Variants in CORO2B observed in about 807,000 individuals in gnomAD.
CORO2B encodes the protein coronin-2B.
Under a neutral mutation model 58.8 loss-of-function variants are expected in CORO2B, and 26 were observed. That is an observed-to-expected ratio of 0.44 (90% CI 0.32 to 0.61). CORO2B has a LOEUF of 0.61. CORO2B is among the 20% of genes least tolerant of loss of function. The pLI is 0.04. For missense variants in CORO2B, 460 were observed against 645.1 expected, an observed-to-expected ratio of 0.71 and a Z score of 3.11; for synonymous variants, 242 against 253.8, an observed-to-expected ratio of 0.95 and a Z score of 0.44.
At chr15:68,533,148 A>C in the CORO2B span, among the ~76,000 whole-genome samples, 1 of 152,220 alleles carries the variant, frequency 6.6e-6, no homozygotes, top group Non-Finnish European at 1.5e-5. Flanking sequence ...ATGTGCCTCT[A>C]GACACAAATC....
In CORO2B at chr15:68,725,985, G is replaced by T; in HGVS notation, c.*11G>T. On this transcript the variant is annotated 3_prime_UTR_variant, in exon 12 of 12. Transcript: ENST00000261861. ...CCCAAGAACTGTTAGCTCCCCAGCT[G>T]GGCTGTTTTCTAAGCCGATCTCTCC... 1 of 1,612,588 alleles carries T rather than the reference G, an allele frequency of 6.2e-7. No homozygotes were observed.
chr15:68,686,708 G>A (rs560125905), intron 2 of CORO2B, among the ~76,000 whole-genome samples: 2 of 152,064 alleles, frequency 1.3e-5, no homozygotes, highest in South Asian at 2.1e-4. Flanking sequence ...AGACCAGCCT[G>A]ATCGACATGG....
At chr15:68,722,486 C>A (rs551677019) in intron 11 of CORO2B, among the ~76,000 whole-genome samples, 2 of 152,184 alleles carry the variant, frequency 1.3e-5, no homozygotes, top group African/African-American at 4.8e-5. Context: ...AAAAGTCCTA[C>A]GATTGTACAA....
intron 11 of CORO2B, among the ~76,000 whole-genome samples, chr15:68,722,320 G>A (rs1406538682): frequency 2.0e-5 from 3 of 152,186 alleles, no homozygotes; most frequent in Admixed American, 1.3e-4. Context: ...CATCTTCCTC[G>A]CTGGGAAGAA....
chr15:68,659,070 T>C (rs1239729477), intron 2 of CORO2B, among the ~76,000 whole-genome samples: 2 of 152,236 alleles, frequency 1.3e-5, no homozygotes, highest in Non-Finnish European at 2.9e-5. Context: ...CTTCATGCAG[T>C]TGGACAGTTT....
intron 3 of CORO2B, among the ~76,000 whole-genome samples, chr15:68,700,087 G>A (rs1332523708): frequency 5.9e-5 from 9 of 152,084 alleles, no homozygotes; most frequent in African/African-American, 2.2e-4. Flanking sequence ...CCCTTCCCAC[G>A]GCCTCCCTGC....
the CORO2B span, among the ~76,000 whole-genome samples, chr15:68,561,073 C>T: frequency 6.6e-6 from 1 of 152,142 alleles, no homozygotes; most frequent in South Asian, 2.1e-4. Context: ...GATTTATGTT[C>T]CCTCCACCCC....
intron 3 of CORO2B, among the ~76,000 whole-genome samples, chr15:68,707,921 A>G (rs901643856): frequency 3.3e-5 from 5 of 151,806 alleles, no homozygotes; most frequent in African/African-American, 9.7e-5. Flanking sequence ...TGGGCCCCCT[A>G]TACATCACTC....
intron 1 of CORO2B, among the ~76,000 whole-genome samples, chr15:68,628,242 C>A (rs1900734586): frequency 6.6e-6 from 1 of 152,212 alleles, no homozygotes; most frequent in African/African-American, 2.4e-5. Context: ...CACAGAGAAA[C>A]CCCATAGCCC....
At chr15:68,659,319 A>G (rs1304625372) in intron 2 of CORO2B, among the ~76,000 whole-genome samples, 1 of 152,268 alleles carries the variant, frequency 6.6e-6, no homozygotes, top group African/African-American at 2.4e-5. Flanking sequence ...TCTGCTGACC[A>G]GAAGCCTTAC....
At chr15:68,646,414 T>C (rs902883044) in intron 2 of CORO2B, among the ~76,000 whole-genome samples, 1 of 152,154 alleles carries the variant, frequency 6.6e-6, no homozygotes, top group Admixed American at 6.5e-5. Context: ...AAGGAAGCCT[T>C]GGTTCTCAAA....
intron 3 of CORO2B, among the ~76,000 whole-genome samples, chr15:68,704,903 G>A (rs1204599486): frequency 6.6e-6 from 1 of 152,110 alleles, no homozygotes; most frequent in Non-Finnish European, 1.5e-5. Flanking sequence ...GTTTCCTGTT[G>A]AATTGAAGTA....
At chr15:68,525,310 G>A in the CORO2B span, among the ~76,000 whole-genome samples, 14 of 152,334 alleles carry the variant, frequency 9.2e-5, no homozygotes, top group African/African-American at 2.9e-4. Context: ...AAATTCTGAA[G>A]CATTTTGAAA....
At chr15:68,693,489 C>A (rs1037909787) in intron 2 of CORO2B, among the ~76,000 whole-genome samples, 1 of 152,180 alleles carries the variant, frequency 6.6e-6, no homozygotes, top group Non-Finnish European at 1.5e-5. Context: ...GCAGATGGGC[C>A]GTAACTGGAG....
Position 68,678,402 on chromosome 15 carries a change from G to A in CORO2B, c.217-16738G>A, listed in dbSNP as rs182824127. ...CAATAACAGAGAAAAGACAGCAGGC[G>A]GTGGTTCACACCTGTAATCCCAACA... On this transcript the variant is annotated intron_variant, in intron 2 of 11. Transcript: ENST00000261861. 4.0e-3 allele frequency among the ~76,000 whole-genome samples: 611 copies of A among 152,240 alleles called. 3 individuals carry two copies. The highest frequency in any genetic ancestry group is 0.013 in the Admixed American group (203 of 15,302).
chr15:68,638,863 G>C (rs935989381), intron 1 of CORO2B, among the ~76,000 whole-genome samples: 1 of 152,226 alleles, frequency 6.6e-6, no homozygotes, highest in East Asian at 1.9e-4. Flanking sequence ...TCATGACTGC[G>C]GGTGGGCTTT....
chr15:68,715,170 C>A, intron 7 of CORO2B, 45 bp from the exon 8 acceptor site: 2 of 1,559,008 alleles, frequency 1.3e-6, no homozygotes, highest in South Asian at 1.1e-5. Flanking sequence ...CTGCTCTGCC[C>A]TCCCTACCTG....
At chr15:68,702,821 CTTT>C (rs113249272) in intron 3 of CORO2B, among the ~76,000 whole-genome samples, 24 of 96,248 alleles carry the variant, frequency 2.5e-4, no homozygotes, top group African/African-American at 8.1e-4. Context: ...TTTTCTTTTT[CTTT>C]TTTTTTTTTT....
intron 3 of CORO2B, among the ~76,000 whole-genome samples, chr15:68,703,574 G>A (rs1892711499): frequency 6.6e-6 from 1 of 152,150 alleles, no homozygotes; most frequent in Non-Finnish European, 1.5e-5. Flanking sequence ...TAGGCCCATG[G>A]TGAACTCCAA....
Sources: allele counts gnomAD v4.1 joint callset (sites outside exome capture counted in the v4.1 genomes callset), GRCh38; gene constraint gnomAD v4.1.1; transcripts MANE v1.5; gene names NCBI Gene and HGNC (gene_info 2026-07-23, HGNC 2026-07-21).